ZC3H12C: variants seen among roughly 807,000 people sequenced by gnomAD.
ZC3H12C encodes the protein zinc finger CCCH-type containing 12C.
Under a neutral mutation model 76.3 loss-of-function variants are expected in ZC3H12C, and 20 were observed. The ratio of observed to expected loss-of-function variants is 0.26; its 90% CI spans 0.18 to 0.38. The LOEUF is 0.38. Ranked by LOEUF, ZC3H12C falls within the 10% of genes least tolerant of loss-of-function variation. The pLI is 1.00. For missense variants in ZC3H12C, 874 were observed against 1,086.5 expected (o/e 0.80, Z 2.75); for synonymous variants, 352 against 399.6 (o/e 0.88, Z 1.42).
intron 5 of ZC3H12C, 81 bp downstream of exon 5, chr11:110,163,460 T>G: frequency 1.7e-6 from 2 of 1,179,760 alleles, no homozygotes; most frequent in Non-Finnish European, 2.3e-6. Context: ...AATGAACACT[T>G]AAAATTTTGG....
At chr11:110,101,325 A>G (rs894399804) in intron 1 of ZC3H12C, among the ~76,000 whole-genome samples, 2 of 152,232 alleles carry the variant, frequency 1.3e-5, no homozygotes, top group African/African-American at 4.8e-5. Context: ...TAATTGATGA[A>G]GGTGACTACA....
At chr11:110,124,069 G>C (rs644996) in intron 1 of ZC3H12C, 107,809 of 152,168 alleles carry the variant, frequency 0.71, 38,508 homozygotes, top group East Asian at 0.89. Context: ...CCATCAAAGT[G>C]ATCCTCAAGT....
intron 1 of ZC3H12C, among the ~76,000 whole-genome samples, chr11:110,134,740 T>G (rs1861924759): frequency 6.6e-6 from 1 of 152,134 alleles, no homozygotes; most frequent in Non-Finnish European, 1.5e-5. Flanking sequence ...GAATTGATGT[T>G]TCTTTAAAAC....
intron 1 of ZC3H12C, among the ~76,000 whole-genome samples, chr11:110,105,589 G>A (rs952498411): frequency 7.2e-5 from 11 of 152,100 alleles, no homozygotes; most frequent in South Asian, 2.1e-4. Context: ...AATATAAAAT[G>A]ATAGTGAAAA....
At chr11:110,105,988 G>GTTTGTATTTCTGTCAGCAATGTATGTGT in intron 1 of ZC3H12C, among the ~76,000 whole-genome samples, 1 of 14,534 alleles carries the variant, frequency 6.9e-5, no homozygotes, top group Non-Finnish European at 1.5e-4. Flanking sequence ...AGTTATACCA[G>GTTTGTATTTCTGTCAGCAATGTATGTGT]CCGGGCGCGG....
chr11:110,130,327 C>T (rs1339122202), intron 1 of ZC3H12C, among the ~76,000 whole-genome samples: 1 of 152,128 alleles, frequency 6.6e-6, no homozygotes, highest in Non-Finnish European at 1.5e-5. Flanking sequence ...AAAATCAGTT[C>T]TATTTGTGAT....
At chr11:110,131,937 A>C (rs1400867644) in intron 1 of ZC3H12C, among the ~76,000 whole-genome samples, 3 of 152,220 alleles carry the variant, frequency 2.0e-5, no homozygotes, top group African/African-American at 7.2e-5. Flanking sequence ...CTGTTGCCCC[A>C]GAGCATTAAC....
chr11:110,098,624 A>G (rs1861157789), intron 1 of ZC3H12C, among the ~76,000 whole-genome samples: 1 of 152,196 alleles, frequency 6.6e-6, no homozygotes, highest in South Asian at 2.1e-4. Flanking sequence ...TATCTTATAG[A>G]CTGCATTTTT....
intron 3 of ZC3H12C, among the ~76,000 whole-genome samples, 169 bp from the exon 4 acceptor site, chr11:110,159,087 T>G (rs1247630344): frequency 1.3e-5 from 2 of 152,194 alleles, no homozygotes; most frequent in African/African-American, 4.8e-5. Context: ...GAAGGAAAAA[T>G]ACTATTGAGA....
At chr11:110,154,584 C>T (rs779842009) in intron 3 of ZC3H12C, among the ~76,000 whole-genome samples, 6 of 151,810 alleles carry the variant, frequency 4.0e-5, no homozygotes, top group South Asian at 2.1e-4. Flanking sequence ...TATCTTACAC[C>T]ATATAACAAT....
intron 1 of ZC3H12C, among the ~76,000 whole-genome samples, chr11:110,101,568 GAC>G (rs1861215889): frequency 7.1e-6 from 1 of 141,616 alleles, no homozygotes; most frequent in African/African-American, 2.7e-5. Flanking sequence ...TTTTTTTTGA[GAC>G]ACAGTCTTGC....
At chr11:110,104,191 C>T (rs1565247373) in intron 1 of ZC3H12C, among the ~76,000 whole-genome samples, 1 of 151,658 alleles carries the variant, frequency 6.6e-6, no homozygotes, top group Admixed American at 6.6e-5. Flanking sequence ...TATGGACCAG[C>T]TACCCGACAG....
intron 2 of ZC3H12C, among the ~76,000 whole-genome samples, chr11:110,149,320 C>T (rs1862227245): frequency 6.6e-6 from 1 of 152,184 alleles, no homozygotes; most frequent in Non-Finnish European, 1.5e-5. Context: ...AGAACAGTAG[C>T]TTGCCCCCAA....
chr11:110,153,141 T>C, intron 3 of ZC3H12C, 83 bp downstream of exon 3: 4 of 1,489,348 alleles, frequency 2.7e-6, no homozygotes. Flanking sequence ...GTATCCTAAA[T>C]CCATTTCACT....
intron 2 of ZC3H12C, among the ~76,000 whole-genome samples, chr11:110,146,536 A>G (rs79173088): frequency 0.016 from 2,390 of 152,236 alleles, 59 homozygotes; most frequent in African/African-American, 0.053. Flanking sequence ...AAAGCTTCAT[A>G]GTTGGGTTGC....
At position 110,165,041 on chromosome 11, in the gene ZC3H12C, C is replaced by G. The variant is rs922243358; in HGVS notation, c.1956C>G (p.Pro652=). The stretch of plus-strand genomic sequence containing the variant: ...ATGACCGGTCCTATGTCAGCTCCCC[C>G]GACCCACAGCTAGAGGAGAATTTGA... ...GYNDRSYVSS[P]DPQLEENLKC... is the part of the protein sequence containing the mutation. The change falls in exon 6 of 6, where the codon CCC becomes CCG. Residue 652 remains proline (P), a synonymous_variant. Coordinates refer to ENST00000278590, the MANE Select transcript of ZC3H12C (RefSeq NM_033390.2). The G allele has an allele frequency of 1.2e-6, 2 of 1,613,868 alleles. No individual in the cohort carries two copies. The highest frequency in any genetic ancestry group is 1.7e-6 in the Non-Finnish European group (2 of 1,179,900).
At chr11:110,111,491 G>A (rs778665391) in intron 1 of ZC3H12C, among the ~76,000 whole-genome samples, 4 of 150,148 alleles carry the variant, frequency 2.7e-5, no homozygotes, top group South Asian at 4.2e-4. Context: ...CACCAGTTCC[G>A]AAGACTTGAC....
intron 3 of ZC3H12C, among the ~76,000 whole-genome samples, chr11:110,157,067 T>A (rs1862389598): frequency 6.6e-6 from 1 of 151,612 alleles, no homozygotes; most frequent in South Asian, 2.1e-4. Context: ...TAGTCCCAGC[T>A]ACTCAGGAGG....
At position 110,171,614 on chromosome 11, in the gene ZC3H12C, G is replaced by A. The variant is rs1464375450; in HGVS notation, c.*5877G>A. The A allele has an allele frequency of 1.3e-5, 2 of 151,962 alleles. No individual in the cohort carries two copies. Among genetic ancestry groups the A allele is most frequent in the Non-Finnish European group, 2.9e-5 (2 of 67,990 alleles). The allele number at this position is 151,962 out of a possible 1,614,324, so 9.4% of individuals were successfully genotyped here. A position where few individuals can be genotyped will look rare whatever the true frequency, so the allele number is the denominator to read the frequency against. On this transcript the variant is annotated 3_prime_UTR_variant, in exon 6 of 6. Coordinates refer to ENST00000278590, the MANE Select transcript of ZC3H12C (RefSeq NM_033390.2). The stretch of plus-strand genomic sequence containing the variant: ...CTGAGAAAAAAAAAATTTTTAATTC[G>A]TTTTTCTTATGCTGGTTTGTTTTTC...
Sources: allele counts gnomAD v4.1 joint callset (sites outside exome capture counted in the v4.1 genomes callset), GRCh38; gene constraint gnomAD v4.1.1; transcripts MANE v1.5; gene names NCBI Gene and HGNC (gene_info 2026-07-23, HGNC 2026-07-21).